Variants in GALNT2 observed in about 807,000 individuals in gnomAD.
GALNT2 encodes the protein polypeptide N-acetylgalactosaminyltransferase 2, also known as UDP-GalNAc:polypeptide N-acetylgalactosaminyltransferase 2.
In GALNT2, 31 loss-of-function variants were observed where a neutral mutation model predicts 81.4. The observed-to-expected ratio is 0.38, with a 90% CI of 0.29 to 0.51. The LOEUF is 0.51. Among genes scored for constraint, GALNT2 ranks in the 20% least tolerant of loss-of-function variants. The probability of loss-of-function intolerance (pLI) is 0.87; values close to 1 mark genes in which losing one functional copy is unlikely to be tolerated. For synonymous variants in GALNT2, 303 were observed against 287.4 expected (o/e 1.05, Z -0.55); for missense variants, 629 against 765.7 (o/e 0.82, Z 2.11).
chr1:230,106,698 A>C (rs996215089), intron 1 of GALNT2, among the ~76,000 whole-genome samples: 1 of 152,196 alleles, frequency 6.6e-6, no homozygotes, highest in African/African-American at 2.4e-5. Context: ...CTAAGCAGCT[A>C]CACTTGCTAA....
At chr1:230,104,184 TGGTGGGGGGCC>T (rs1311046498) in intron 1 of GALNT2, among the ~76,000 whole-genome samples, 1 of 151,804 alleles carries the variant, frequency 6.6e-6, no homozygotes, top group Non-Finnish European at 1.5e-5. Context: ...GGTTCTGGGG[TGGTGGGGGGCC>T]GAGGGAGGCA....
chr1:230,124,039 A>G (rs981220973), intron 1 of GALNT2, among the ~76,000 whole-genome samples: 12 of 152,348 alleles, frequency 7.9e-5, no homozygotes, highest in African/African-American at 2.9e-4. Context: ...TGACGTGAGG[A>G]TGACCTGAAG....
intron 1 of GALNT2, among the ~76,000 whole-genome samples, chr1:230,134,018 C>G (rs1222207420): frequency 6.6e-6 from 1 of 151,852 alleles, no homozygotes; most frequent in Admixed American, 6.6e-5. Flanking sequence ...TTGTCTCAAC[C>G]AGAGATCAGG....
At chr1:230,187,982 C>T (rs942697020) in intron 2 of GALNT2, among the ~76,000 whole-genome samples, 12 of 152,146 alleles carry the variant, frequency 7.9e-5, no homozygotes, top group Middle Eastern at 3.2e-3. Context: ...GAAAAGGCAA[C>T]ATTCGGGCAG....
intron 14 of GALNT2, among the ~76,000 whole-genome samples, chr1:230,267,895 A>T (rs952012487): frequency 2.0e-5 from 3 of 152,004 alleles, no homozygotes; most frequent in Non-Finnish European, 4.4e-5. Flanking sequence ...GGCCCAGGGG[A>T]CTCACTCAGA....
At chr1:230,165,856 T>C (rs924200025) in intron 1 of GALNT2, among the ~76,000 whole-genome samples, 1 of 152,258 alleles carries the variant, frequency 6.6e-6, no homozygotes, top group African/African-American at 2.4e-5. Context: ...TGGAGGTTTC[T>C]GTATGGAGTC....
chr1:230,092,184 T>TAGTTTTTTTTTTTTG (rs1553311876), intron 1 of GALNT2, among the ~76,000 whole-genome samples: 1 of 119,606 alleles, frequency 8.4e-6, no homozygotes, highest in Non-Finnish European at 1.7e-5. Context: ...TAGTTTTTTT[T>TAGTTTTTTTTTTTTG]TTTTTTTTTT....
chr1:230,092,383 GT>G (rs914250637), intron 1 of GALNT2, among the ~76,000 whole-genome samples: 33 of 143,448 alleles, frequency 2.3e-4, no homozygotes, highest in South Asian at 2.2e-4. Context: ...TTTGTTTTTG[GT>G]TTTTTTTTTT....
chr1:230,136,268 T>C (rs1661535235), intron 1 of GALNT2, among the ~76,000 whole-genome samples: 1 of 152,128 alleles, frequency 6.6e-6, no homozygotes, highest in Admixed American at 6.5e-5. Flanking sequence ...GCCACGTTGA[T>C]TGGGTCGCGC....
intron 11 of GALNT2, chr1:230,262,361 T>C: frequency 1.9e-6 from 1 of 536,434 alleles, no homozygotes; most frequent in East Asian, 3.0e-5. Flanking sequence ...ATTCCAATGG[T>C]TCAGTAAGCA....
chr1:230,133,684 A>G (rs1461836380), intron 1 of GALNT2, among the ~76,000 whole-genome samples: 4 of 152,064 alleles, frequency 2.6e-5, no homozygotes, highest in Non-Finnish European at 5.9e-5. Flanking sequence ...CGAACTCCTG[A>G]CCTCAGGTGA....
intron 1 of GALNT2, among the ~76,000 whole-genome samples, chr1:230,150,388 A>G (rs893352112): frequency 6.6e-6 from 1 of 152,226 alleles, no homozygotes; most frequent in Non-Finnish European, 1.5e-5. Context: ...TTATATTTGG[A>G]TAAAACAAAA....
At chr1:230,110,953 C>G (rs1040472374) in intron 1 of GALNT2, among the ~76,000 whole-genome samples, 1 of 152,092 alleles carries the variant, frequency 6.6e-6, no homozygotes, top group Non-Finnish European at 1.5e-5. Flanking sequence ...CAGGCAGAAG[C>G]TGATAAAGTA....
intron 1 of GALNT2, among the ~76,000 whole-genome samples, chr1:230,094,227 T>C (rs1660178623): frequency 7.0e-6 from 1 of 143,604 alleles, no homozygotes; most frequent in Admixed American, 7.3e-5. Flanking sequence ...CTCAGGGTGG[T>C]GTCAAACTCC....
intron 1 of GALNT2, among the ~76,000 whole-genome samples, chr1:230,125,086 T>C (rs532716353): frequency 4.3e-4 from 65 of 152,378 alleles, no homozygotes; most frequent in African/African-American, 1.3e-3. Flanking sequence ...TGGTCTCCGC[T>C]AAGCGGTTGT....
At chr1:230,064,748 G>A (rs1659130652), upstream of GALNT2, among the ~76,000 whole-genome samples, 1 of 152,160 alleles carries the variant, frequency 6.6e-6, no homozygotes, top group East Asian at 1.9e-4. Flanking sequence ...CTGACCTCAG[G>A]TGATCCACCC....
intron 3 of GALNT2, among the ~76,000 whole-genome samples, chr1:230,234,529 A>G (rs1322893313): frequency 1.3e-5 from 2 of 152,188 alleles, no homozygotes; most frequent in East Asian, 3.8e-4. Flanking sequence ...GGACAGACAA[A>G]CAGGCCCCTC....
intron 3 of GALNT2, among the ~76,000 whole-genome samples, chr1:230,208,186 TG>T (rs1024975370): frequency 7.9e-5 from 12 of 152,238 alleles, no homozygotes; most frequent in Admixed American, 7.2e-4. Flanking sequence ...TCTCTCTCTC[TG>T]CGTTGGGAAG....
chr1:230,103,845 G>T (rs552921218), intron 1 of GALNT2, among the ~76,000 whole-genome samples: 2 of 152,264 alleles, frequency 1.3e-5, no homozygotes, highest in African/African-American at 4.8e-5. Flanking sequence ...GTAATGGATT[G>T]TTATTCATTC....
Sources: allele counts gnomAD v4.1 joint callset (sites outside exome capture counted in the v4.1 genomes callset), GRCh38; gene constraint gnomAD v4.1.1; transcripts MANE v1.5; gene names NCBI Gene and HGNC (gene_info 2026-07-23, HGNC 2026-07-21).